DICER1: variants seen among roughly 807,000 people sequenced by gnomAD.
DICER1 encodes endoribonuclease Dicer.
A neutral mutation model predicts 194.1 loss-of-function variants in DICER1; 43 were observed. The ratio of observed to expected loss-of-function variants is 0.22; its 90% CI spans 0.17 to 0.29. The LOEUF is 0.29. DICER1 is among the 10% of genes least tolerant of loss of function. The probability of loss-of-function intolerance (pLI) is 1.00; values close to 1 mark genes in which losing one functional copy is unlikely to be tolerated. For synonymous variants in DICER1, 832 were observed against 820.5 expected, an observed-to-expected ratio of 1.01 and a Z score of -0.24; for missense variants, 1,608 against 2,317.0, an observed-to-expected ratio of 0.69 and a Z score of 6.28.
intron 26 of DICER1, 143 bp downstream of exon 26, chr14:95,090,891 C>A: frequency 1.0e-6 from 1 of 984,164 alleles, no homozygotes. Context: ...AAAGAGAAGT[C>A]AATCAGATTA....
intron 11 of DICER1, 50 bp from the exon 12 acceptor site, chr14:95,113,274 T>C: frequency 1.3e-6 from 2 of 1,571,282 alleles, no homozygotes; most frequent in Non-Finnish European, 1.8e-6. Context: ...GAGAAAATAT[T>C]GATATTTATA....
chr14:95,148,675 C>T (rs576823663), intron 1 of DICER1, among the ~76,000 whole-genome samples: 1 of 152,232 alleles, frequency 6.6e-6, no homozygotes, highest in Non-Finnish European at 1.5e-5. Context: ...TAACAAATTC[C>T]ACCCATCAAA....
rs1459202358 is a variant in DICER1 at position 95,117,873 on chromosome 14, G to A, written c.1377-119C>T. On this transcript the variant is annotated intron_variant, in intron 8 of 26. Transcript: ENST00000343455. Reference sequence around the variant, plus strand: ...TTTTTGCAAACATACCTAACAAAACGGTCTTGGTCCTTTTTTCCCAACTTG... The same window carrying A: ...TTTTTGCAAACATACCTAACAAAACAGTCTTGGTCCTTTTTTCCCAACTTG... The A allele has an allele frequency of 7.7e-6, 7 of 908,564 alleles. No homozygotes were observed. In the Admixed American group the frequency reaches 9.1e-5, roughly 12 times the overall value. 56.3% of individuals were successfully genotyped at this position (908,564 alleles called of 1,614,324 possible). A position where few individuals can be genotyped will look rare whatever the true frequency, so the allele number is the denominator to read the frequency against.
chr14:95,130,147 C>A lies in DICER1; in HGVS notation c.484G>T (p.Gly162Cys), dbSNP rs1595459155. ...TTAATGTCTGACAGTGATAAGTAAC[C>A]ATTTTTCAAAACATTCAAGGCGACA... is the stretch of plus-strand genomic sequence containing the variant. Reference protein sequence around the residue: ...CYVALNVLKNGYLSLSDINLL... With the variant: ...CYVALNVLKNCYLSLSDINLL... Residue 162 changes from glycine to cysteine, a missense_variant, in exon 5 of 27, where the codon GGT (glycine) becomes TGT (cysteine). By Grantham distance (159) the Gly-to-Cys change is radical. Around this residue, in one of 10 missense-constraint regions of DICER1, gnomAD observed 657 missense variants for 910.1 expected, o/e 0.72. Coordinates refer to ENST00000343455, the MANE Select transcript of DICER1 (RefSeq NM_177438.3). 1.9e-6 allele frequency: 3 copies of A among 1,613,222 alleles called. No individual in the cohort carries two copies. The highest frequency in any genetic ancestry group is 2.2e-5 in the East Asian group (1 of 44,758).
In DICER1 at chr14:95,091,129, A is replaced by G. The variant is rs2139773944; in HGVS notation, c.5528-20T>C. 1.2e-6 allele frequency: 2 copies of G among 1,613,922 alleles called. No individual in the cohort carries two copies. The highest frequency in any genetic ancestry group is 1.7e-6 in the Non-Finnish European group (2 of 1,179,776). On this transcript the variant is annotated intron_variant, in intron 25 of 26. Transcript: ENST00000343455. ...ACTTTTCTGCAATCAAAATGAAAGA[A>G]TAATATGAATAATATCTCTGAAGTT...
At chr14:95,117,929 A>G (rs1183032456) in intron 8 of DICER1, among the ~76,000 whole-genome samples, 175 bp from the exon 9 acceptor site, 3 of 152,206 alleles carry the variant, frequency 2.0e-5, no homozygotes, top group African/African-American at 4.8e-5. Flanking sequence ...ACTCTTCACC[A>G]CATAGATCTG....
intron 1 of DICER1, among the ~76,000 whole-genome samples, chr14:95,149,994 TG>T (rs1895409082): frequency 6.6e-6 from 1 of 152,242 alleles, no homozygotes; most frequent in Non-Finnish European, 1.5e-5. Context: ...TGGTATCATC[TG>T]ACTATACCCA....
At chr14:95,130,288 G>A in intron 4 of DICER1, 96 bp from the exon 5 acceptor site, 6 of 1,213,316 alleles carry the variant, frequency 4.9e-6, no homozygotes, top group Non-Finnish European at 7.1e-6. Flanking sequence ...TCATAAGTGA[G>A]GATTAAGGAA....
chr14:95,091,447 A>G, intron 24 of DICER1, 82 bp from the exon 25 acceptor site: 1 of 1,335,984 alleles, frequency 7.5e-7, no homozygotes, highest in East Asian at 2.3e-5. Flanking sequence ...TTTCTTGGAT[A>G]TATGACTTTT....
At chr14:95,106,294 T>C (rs1891423350) in intron 17 of DICER1, 71 bp from the exon 18 acceptor site, 2 of 1,156,762 alleles carry the variant, frequency 1.7e-6, no homozygotes, top group South Asian at 1.3e-5. Context: ...AATACAACTG[T>C]TTGTAGTATG....
intron 23 of DICER1, among the ~76,000 whole-genome samples, chr14:95,095,040 G>A (rs1396306698): frequency 6.6e-6 from 1 of 152,182 alleles, no homozygotes; most frequent in Non-Finnish European, 1.5e-5. Flanking sequence ...CCAGTCCAGA[G>A]TCAGATAGTT....
chr14:95,138,606 C>G (rs533175452), intron 1 of DICER1, among the ~76,000 whole-genome samples: 2 of 152,060 alleles, frequency 1.3e-5, no homozygotes, highest in South Asian at 4.2e-4. Flanking sequence ...GATATCTAGT[C>G]CCAAATGTAC....
At chr14:95,152,524 T>C (rs1895581495) in intron 1 of DICER1, among the ~76,000 whole-genome samples, 1 of 152,184 alleles carries the variant, frequency 6.6e-6, no homozygotes, top group Non-Finnish European at 1.5e-5. Flanking sequence ...TACTATTCCA[T>C]AAACCTTAAC....
At position 95,103,655 on chromosome 14, in the gene DICER1, A is replaced by G. The variant is rs765677895; in HGVS notation, c.3741T>C (p.Ala1247=). ...LLSNKYLDGN[A]NKSTSDGSPV... ...GACTTCCATCTGAGGTAGATTTGTT[A>G]GCATTTCCATCAAGGTATTTATTAC... The change falls in exon 21 of 27, where the codon GCT becomes GCC. Residue 1247 remains alanine, a synonymous_variant. Coordinates refer to ENST00000343455, the MANE Select transcript of DICER1 (RefSeq NM_177438.3). 12 of 1,614,102 alleles carry G rather than the reference A, an allele frequency of 7.4e-6. No individual in the cohort carries two copies. In the African/African-American group the frequency reaches 1.3e-4, roughly 18 times the overall value.
Position 95,133,358 on chromosome 14 carries a change from T to A in DICER1, c.101A>T (p.Gln34Leu). ...ATAAATGTTATCATGAATTGCTTCTTGTTGCCATGGCAGTCCAAAGAAAGG... is the reference window on the plus strand; with the variant it reads ...ATAAATGTTATCATGAATTGCTTCTAGTTGCCATGGCAGTCCAAAGAAAGG... The part of the protein sequence containing the change: ...MGPFFGLPWQ[Q>L]EAIHDNIYTP... The change falls in exon 2 of 27, where the codon CAA (glutamine) becomes CTA (leucine). Residue 34 changes from glutamine to leucine, a missense_variant. This residue lies in a region of DICER1 where 657 missense variants were observed against 910.1 expected (regional missense o/e 0.72). Coordinates refer to ENST00000343455, the MANE Select transcript of DICER1 (RefSeq NM_177438.3). The A allele has an allele frequency of 6.2e-7, 1 of 1,614,174 alleles. No homozygotes were observed. The highest frequency in any genetic ancestry group is 2.2e-5 in the East Asian group (1 of 44,886).
At position 95,091,206 on chromosome 14, in the gene DICER1, T is replaced by C. The variant is rs749059266; in HGVS notation, c.5524A>G (p.Ile1842Val). 6.2e-6 allele frequency: 10 copies of C among 1,614,090 alleles called. No individual in the cohort carries two copies. Among genetic ancestry groups the C allele is most frequent in the Non-Finnish European group, 8.5e-6 (10 of 1,180,038 alleles). ...QVYYPMMRPL[I>V]EKFSANVPRS... ...TTCTAAAGGGAGCCAACAATACCTATTAGTGGCCGCATCATGGGATAGTAC... is the reference window on the plus strand; with the variant it reads ...TTCTAAAGGGAGCCAACAATACCTACTAGTGGCCGCATCATGGGATAGTAC... Residue 1842 changes from isoleucine (I) to valine (V), a missense_variant, in exon 25 of 27, where the codon ATA becomes GTA. This residue lies in a region of DICER1 where 138 missense variants were observed against 298.3 expected (regional missense o/e 0.46). Transcript: ENST00000343455.
intron 2 of DICER1, 133 bp downstream of exon 2, chr14:95,133,182 T>C (rs1369740683): frequency 3.4e-6 from 3 of 885,048 alleles, no homozygotes; most frequent in Non-Finnish European, 5.4e-6. Context: ...AATAAAAGTA[T>C]TTTAAATGAG....
At chr14:95,125,280 G>A (rs1893307907) in intron 7 of DICER1, among the ~76,000 whole-genome samples, 1 of 151,862 alleles carries the variant, frequency 6.6e-6, no homozygotes, top group Admixed American at 6.6e-5. Flanking sequence ...AGCTAGGACA[G>A]CTGCACTGGG....
At chr14:95,132,435 A>C (rs1894026650) in intron 3 of DICER1, 80 bp downstream of exon 3, 2 of 1,460,486 alleles carry the variant, frequency 1.4e-6, no homozygotes, top group Admixed American at 1.7e-5. Flanking sequence ...AATTTAACTT[A>C]AGAAACACAG....
Sources: gnomAD v4.1 joint callset for allele counts (sites outside exome capture counted in the v4.1 genomes callset) on GRCh38, gnomAD v4.1.1 for gene constraint, gnomAD v4.1.1 regional missense constraint, MANE v1.5 for transcripts, NCBI Gene and HGNC (gene_info 2026-07-23, HGNC 2026-07-21) for gene names.